Variants in CTDSPL observed in about 807,000 individuals in gnomAD.
The protein encoded by CTDSPL is CTD small phosphatase like.
Under a neutral mutation model 30.5 loss-of-function variants are expected in CTDSPL, and 8 were observed. The ratio of observed to expected loss-of-function variants is 0.26; its 90% confidence interval spans 0.15 to 0.47. The LOEUF (loss-of-function observed/expected upper bound fraction) is 0.47. Among genes scored for constraint, CTDSPL ranks in the 20% least tolerant of loss-of-function variants. The pLI, the probability that CTDSPL is intolerant of heterozygous loss-of-function variation, is 0.99. For missense variants in CTDSPL, 248 were observed against 366.1 expected (o/e 0.68, Z 2.63); for synonymous variants, 110 against 137.9 (o/e 0.80, Z 1.42).
intron 1 of CTDSPL, among the ~76,000 whole-genome samples, chr3:37,911,154 TA>T (rs1698578679): frequency 6.6e-6 from 1 of 152,188 alleles, no homozygotes; most frequent in African/African-American, 2.4e-5. Flanking sequence ...ACAGTTCTCA[TA>T]AAAGATTGAC....
At chr3:37,898,563 G>A (rs565922756) in intron 1 of CTDSPL, among the ~76,000 whole-genome samples, 1 of 152,252 alleles carries the variant, frequency 6.6e-6, no homozygotes, top group African/African-American at 2.4e-5. Flanking sequence ...CGTGCCAAGA[G>A]CTTTACACAC....
chr3:37,928,585 T>C (rs1323507065), intron 1 of CTDSPL, among the ~76,000 whole-genome samples: 1 of 152,218 alleles, frequency 6.6e-6, no homozygotes, highest in East Asian at 1.9e-4. Flanking sequence ...TGTACTTCAG[T>C]GGTTGCAAAT....
chr3:37,864,749 CATTATGTAAAAA>C (rs1697989960), intron 1 of CTDSPL, among the ~76,000 whole-genome samples: 3 of 151,426 alleles, frequency 2.0e-5, no homozygotes, highest in African/African-American at 7.3e-5. Flanking sequence ...CATAATTTTA[CATTATGTAAAAA>C]TGTATTTTAC....
At chr3:37,971,031 C>G (rs148098549) in intron 5 of CTDSPL, among the ~76,000 whole-genome samples, 2 of 152,308 alleles carry the variant, frequency 1.3e-5, no homozygotes, top group African/African-American at 2.4e-5. Context: ...GACCGTGGCC[C>G]GTGCCCACAC....
At chr3:37,960,531 TATATACACACACACAC>T (rs1396704352) in intron 3 of CTDSPL, among the ~76,000 whole-genome samples, 7 of 47,292 alleles carry the variant, frequency 1.5e-4, no homozygotes, top group South Asian at 1.3e-3. Flanking sequence ...TATATATATA[TATATACACACACACAC>T]ACACACACAC....
rs758481562 is a variant in CTDSPL, at chr3:37,980,688, C to A, written c.706-54C>A. On this transcript the variant is annotated intron_variant, in intron 7 of 7. Transcript: ENST00000273179. ...TCCGGGTACCCGGTTAGGTTAGGAG[C>A]AGCCCCCAGCGCTAGATGCAGTCCT... The A allele has an allele frequency of 1.4e-5, 23 of 1,596,584 alleles. 1 individual carries two copies. In the South Asian group the frequency reaches 2.1e-4, roughly 15 times the overall value.
chr3:37,864,732 AT>A (rs1697989591), intron 1 of CTDSPL, among the ~76,000 whole-genome samples: 4 of 152,050 alleles, frequency 2.6e-5, no homozygotes, highest in East Asian at 1.9e-4. Flanking sequence ...TGTAAAATAC[AT>A]TTTTACATAA....
At position 37,982,432 on chromosome 3, in the gene CTDSPL, T is replaced by G; in HGVS notation, c.*1565T>G. 3 of 405,960 alleles carry G rather than the reference T, an allele frequency of 7.4e-6. No individual in the cohort carries two copies. The highest frequency in any genetic ancestry group is 1.5e-5 in the Non-Finnish European group (3 of 202,774). The allele number at this position is 405,960 out of a possible 1,614,324, so 25.1% of individuals were successfully genotyped here. On this transcript the variant is annotated 3_prime_UTR_variant, in exon 8 of 8. Coordinates refer to ENST00000273179, the MANE Select transcript of CTDSPL (RefSeq NM_001008392.2). ...TTAAAAACAATTAAAAAGAACCCTT[T>G]CATATTGGCACCATTGCCTTAGTCC... is the stretch of plus-strand genomic sequence containing the variant.
intron 1 of CTDSPL, among the ~76,000 whole-genome samples, chr3:37,900,581 C>T (rs948369951): frequency 5.9e-5 from 9 of 152,146 alleles, no homozygotes; most frequent in African/African-American, 1.9e-4. Context: ...ATATAGAAAA[C>T]GATAAAGATA....
chr3:37,921,607 CCACACA>C (rs58395906), intron 1 of CTDSPL, among the ~76,000 whole-genome samples: 6,734 of 147,482 alleles, frequency 0.046, 162 homozygotes, highest in African/African-American at 0.067. Context: ...ACCCTAACTA[CCACACA>C]CACACACACA....
Position 37,975,649 on chromosome 3 carries a change from G to C in CTDSPL, c.520-60G>C, listed in dbSNP as rs192325049. 9.0e-5 allele frequency: 130 copies of C among 1,450,066 alleles called. 1 individual carries two copies. The African/African-American group carries it at 1.7e-3, about 19-fold the overall frequency. The allele number at this position is 1,450,066 out of a possible 1,614,324, so 89.8% of individuals were successfully genotyped here. Reference sequence around the variant, plus strand: ...ACGTAATCTGGATCTTGCTGCTGTAGTTCAGGGTTTGGGGGGCTCTTTTAA... The same window carrying C: ...ACGTAATCTGGATCTTGCTGCTGTACTTCAGGGTTTGGGGGGCTCTTTTAA... On this transcript the variant is annotated intron_variant, in intron 6 of 7. Coordinates refer to ENST00000273179, the MANE Select transcript of CTDSPL (RefSeq NM_001008392.2). This position sits in a 1 kb window ranked among gnomAD's most constrained non-coding sequence, Gnocchi z 4.9.
intron 1 of CTDSPL, among the ~76,000 whole-genome samples, chr3:37,927,437 G>T (rs1002657595): frequency 2.6e-5 from 4 of 151,944 alleles, no homozygotes; most frequent in African/African-American, 9.7e-5. Flanking sequence ...TCCAAAATCC[G>T]AAAAAATTTG....
chr3:37,868,511 C>T (rs888623971), intron 1 of CTDSPL, among the ~76,000 whole-genome samples: 3 of 151,990 alleles, frequency 2.0e-5, no homozygotes, highest in Non-Finnish European at 4.4e-5. Flanking sequence ...AAGGTTTTCT[C>T]CTACGCTTTT....
intron 1 of CTDSPL, among the ~76,000 whole-genome samples, chr3:37,905,709 C>T (rs940620580): frequency 1.1e-4 from 16 of 152,194 alleles, no homozygotes; most frequent in Non-Finnish European, 2.1e-4. Context: ...GTTGTGGTTT[C>T]TTTAGATTGT....
At chr3:37,901,658 T>G (rs1698451760) in intron 1 of CTDSPL, among the ~76,000 whole-genome samples, 2 of 152,192 alleles carry the variant, frequency 1.3e-5, no homozygotes, top group South Asian at 4.1e-4. Context: ...CCTCTTGCTT[T>G]GAGAGCAGGA....
chr3:37,971,549 C>T (rs1335411587), intron 6 of CTDSPL, 50 bp downstream of exon 6: 26 of 1,521,092 alleles, frequency 1.7e-5, no homozygotes, highest in Non-Finnish European at 2.4e-5. Flanking sequence ...CTCCCAGCCC[C>T]TCCACCCCTA....
intron 2 of CTDSPL, among the ~76,000 whole-genome samples, chr3:37,948,966 G>A (rs1262960150): frequency 2.0e-5 from 3 of 150,958 alleles, no homozygotes; most frequent in Admixed American, 6.6e-5. Flanking sequence ...GACTACAGGC[G>A]CCCGCCACCG....
chr3:37,902,677 C>T (rs1288227247), intron 1 of CTDSPL, among the ~76,000 whole-genome samples: 3 of 152,176 alleles, frequency 2.0e-5, no homozygotes, highest in Admixed American at 6.5e-5. Context: ...TCTGCTGCAT[C>T]TCACATTCAA....
chr3:37,909,517 G>A (rs1261421822), intron 1 of CTDSPL, among the ~76,000 whole-genome samples: 21 of 152,218 alleles, frequency 1.4e-4, no homozygotes, highest in Non-Finnish European at 2.9e-5. Context: ...AGGAGGCCCA[G>A]GGACATGGCA....
Sources: allele counts gnomAD v4.1 joint callset (sites outside exome capture counted in the v4.1 genomes callset), GRCh38; gene constraint gnomAD v4.1.1; non-coding constraint Gnocchi (gnomAD v3.1); transcripts MANE v1.5; gene names NCBI Gene and HGNC (gene_info 2026-07-23, HGNC 2026-07-21).